Variants in REEP1 observed in about 807,000 individuals in gnomAD.
The protein encoded by REEP1 is receptor expression-enhancing protein 1.
Under a neutral mutation model 40.3 loss-of-function variants are expected in REEP1, and 22 were observed. The observed-to-expected ratio is 0.55, with a 90% CI of 0.39 to 0.78. The LOEUF (loss-of-function observed/expected upper bound fraction) is 0.78. Ranked by LOEUF, REEP1 falls within the 30% of genes least tolerant of loss-of-function variation. The pLI is 0.00. For missense variants in REEP1, 280 were observed against 361.1 expected (o/e 0.78, Z 1.82); for synonymous variants, 116 against 139.2 (o/e 0.83, Z 1.17).
intron 1 of REEP1, among the ~76,000 whole-genome samples, chr2:86,310,315 T>C (rs1679700902): frequency 6.6e-6 from 1 of 152,204 alleles, no homozygotes; most frequent in South Asian, 2.1e-4. Flanking sequence ...GCATTTTTAC[T>C]GTATGTCTTC....
intron 5 of REEP1, among the ~76,000 whole-genome samples, chr2:86,247,150 G>A (rs557247695): frequency 6.6e-6 from 1 of 152,210 alleles, no homozygotes; most frequent in East Asian, 1.9e-4. Flanking sequence ...CCAGTTAGGA[G>A]ACAGGTACCA....
intron 5 of REEP1, among the ~76,000 whole-genome samples, chr2:86,235,496 A>C (rs1482692181): frequency 6.6e-6 from 1 of 152,216 alleles, no homozygotes; most frequent in Non-Finnish European, 1.5e-5. Context: ...CTACTGCCTA[A>C]GATACAAAGG....
rs1394125901 is a variant in REEP1 at position 86,232,723 on chromosome 2, G to A, written c.497C>T (p.Ala166Val). The A allele has an allele frequency of 1.9e-6, 3 of 1,609,542 alleles. No homozygotes were observed. In the African/African-American group the frequency reaches 4.0e-5, roughly 21 times the overall value. The change falls in exon 6 of 9, where the codon GCT becomes GTT. Residue 166 changes from alanine (A) to valine (V), a missense_variant. Coordinates refer to ENST00000538924, the MANE Select transcript of REEP1 (RefSeq NM_001371279.1). ...LTTIRGDGAP[A>V]PSGPPPPGSG... is the part of the protein sequence containing the mutation. ...CCCCGGTGGTGGGGGGCCCGAGGGA[G>A]CAGGGGCGCCGTCTCCCCTGATGGT...
chr2:86,297,420 C>T (rs1194868521), intron 1 of REEP1, among the ~76,000 whole-genome samples: 1 of 152,252 alleles, frequency 6.6e-6, no homozygotes, highest in Non-Finnish European at 1.5e-5. Flanking sequence ...AAATGCTGCA[C>T]AGACTTGCAA....
At chr2:86,289,841 T>C (rs1310681091) in intron 1 of REEP1, among the ~76,000 whole-genome samples, 1 of 152,168 alleles carries the variant, frequency 6.6e-6, no homozygotes, top group Non-Finnish European at 1.5e-5. Context: ...TGGTTATTCA[T>C]GGTATATAGG....
At chr2:86,278,828 CCCAGTT>C (rs1677905482) in intron 2 of REEP1, among the ~76,000 whole-genome samples, 1 of 152,170 alleles carries the variant, frequency 6.6e-6, no homozygotes, top group South Asian at 2.1e-4. Context: ...TTGGATCCTC[CCCAGTT>C]CCTGGGTATC....
intron 1 of REEP1, among the ~76,000 whole-genome samples, chr2:86,331,517 G>C (rs760643280): frequency 6.6e-5 from 10 of 150,460 alleles, no homozygotes; most frequent in Non-Finnish European, 1.5e-4. Flanking sequence ...ATCAGTGAAA[G>C]GAAAAAAAAA....
At chr2:86,273,170 G>C (rs1677556282) in intron 2 of REEP1, among the ~76,000 whole-genome samples, 3 of 150,456 alleles carry the variant, frequency 2.0e-5, no homozygotes, top group South Asian at 2.1e-4. Flanking sequence ...TAAACCTAAA[G>C]CGGGTGACTT....
chr2:86,256,216 C>T (rs1676552519), intron 3 of REEP1, among the ~76,000 whole-genome samples: 1 of 151,910 alleles, frequency 6.6e-6, no homozygotes, highest in Non-Finnish European at 1.5e-5. Flanking sequence ...GGCATGGTGG[C>T]GGGCACCTGT....
At chr2:86,298,253 G>T (rs370116650) in intron 1 of REEP1, among the ~76,000 whole-genome samples, 29 of 152,166 alleles carry the variant, frequency 1.9e-4, no homozygotes, top group African/African-American at 6.3e-4. Context: ...CAGGACCCAG[G>T]ATGATAGCAC....
intron 1 of REEP1, among the ~76,000 whole-genome samples, chr2:86,326,896 C>T (rs1214850344): frequency 6.6e-6 from 1 of 152,172 alleles, no homozygotes; most frequent in Non-Finnish European, 1.5e-5. Flanking sequence ...GTCCAATTCT[C>T]TACCCATATA....
chr2:86,257,302 T>C (rs1676614955), intron 3 of REEP1, among the ~76,000 whole-genome samples: 2 of 151,276 alleles, frequency 1.3e-5, no homozygotes, highest in African/African-American at 2.5e-5. Context: ...ACATAAAAGA[T>C]GTCTTTTAAA....
chr2:86,298,852 G>A lies in REEP1; in HGVS notation c.33-16610C>T, dbSNP rs556212324. Among the ~76,000 whole-genome samples the A allele has an allele frequency of 2.6e-5, 4 of 152,324 alleles. No individual in the cohort carries two copies. The South Asian group carries it at 8.3e-4, about 32-fold the overall frequency. ...TGTATCCCTTTGTCACCAGCAGATG[G>A]GAATCCTGGGTCAGCAAGGCAGAGT... On this transcript the variant is annotated intron_variant, in intron 1 of 8. Coordinates refer to ENST00000538924, the MANE Select transcript of REEP1 (RefSeq NM_001371279.1).
chr2:86,328,761 C>T (rs573723565), intron 1 of REEP1, among the ~76,000 whole-genome samples: 2 of 152,248 alleles, frequency 1.3e-5, no homozygotes, highest in South Asian at 2.1e-4. Context: ...CTTGCTTACT[C>T]GGCCTGCAGT....
intron 5 of REEP1, among the ~76,000 whole-genome samples, chr2:86,244,077 T>C (rs1675806341): frequency 6.6e-6 from 1 of 152,216 alleles, no homozygotes; most frequent in African/African-American, 2.4e-5. Flanking sequence ...AGAAAATCAA[T>C]GCCTGCCCTC....
In REEP1 at chr2:86,252,118, A is replaced by T. The variant is rs563728455; in HGVS notation, c.304-48T>A. ...ACACTGAGCTGGAAGGTTCAAACAC[A>T]TCTCTGTTTTCTTTCCTTTCCTCTG... On this transcript the variant is annotated intron_variant, in intron 4 of 8. Coordinates refer to ENST00000538924, the MANE Select transcript of REEP1 (RefSeq NM_001371279.1). The T allele has an allele frequency of 4.7e-6, 6 of 1,288,904 alleles. No homozygotes were observed. In the South Asian group the frequency reaches 7.1e-5, roughly 15 times the overall value. The allele number at this position is 1,288,904 out of a possible 1,614,324, so 79.8% of individuals were successfully genotyped here. A position where few individuals can be genotyped will look rare whatever the true frequency, so the allele number is the denominator to read the frequency against.
At chr2:86,325,957 T>C (rs1324332304) in intron 1 of REEP1, among the ~76,000 whole-genome samples, 1 of 152,198 alleles carries the variant, frequency 6.6e-6, no homozygotes, top group African/African-American at 2.4e-5. Context: ...CTCTCCAACA[T>C]TGGATGCTAC....
intron 1 of REEP1, among the ~76,000 whole-genome samples, chr2:86,313,231 T>A (rs1021698144): frequency 1.3e-5 from 2 of 151,336 alleles, no homozygotes; most frequent in Non-Finnish European, 2.9e-5. Flanking sequence ...CGCCTCAGGC[T>A]CCCTACACCC....
At chr2:86,326,916 T>C (rs1295802522) in intron 1 of REEP1, among the ~76,000 whole-genome samples, 1 of 152,132 alleles carries the variant, frequency 6.6e-6, no homozygotes, top group Non-Finnish European at 1.5e-5. Flanking sequence ...AAAACAAGCT[T>C]ACTCTCTTTC....
Sources: gnomAD v4.1 joint callset for allele counts (sites outside exome capture counted in the v4.1 genomes callset) on GRCh38, gnomAD v4.1.1 for gene constraint, MANE v1.5 for transcripts, NCBI Gene and HGNC (gene_info 2026-07-23, HGNC 2026-07-21) for gene names.